Variants in AGK observed in about 807,000 individuals in gnomAD.
The protein encoded by AGK is acylglycerol kinase, mitochondrial.
AGK carries 52 observed loss-of-function variants against 66.4 expected under a neutral mutation model. That is an observed-to-expected ratio of 0.78 (90% CI 0.63 to 0.99). The LOEUF (loss-of-function observed/expected upper bound fraction) is 0.99. AGK is among the 50% of genes least tolerant of loss of function. AGK has a pLI of 0.00. For missense variants in AGK, 451 were observed against 506.6 expected, an observed-to-expected ratio of 0.89 and a Z score of 1.05; for synonymous variants, 182 against 181.1, an observed-to-expected ratio of 1.00 and a Z score of -0.04.
In AGK at chr7:141,621,770, A is replaced by G. The variant is rs1237915799; in HGVS notation, c.557A>G (p.Glu186Gly). 4.3e-6 allele frequency: 7 copies of G among 1,613,552 alleles called. No individual in the cohort carries two copies. Among genetic ancestry groups the G allele is most frequent in the Middle Eastern group, 1.7e-4 (1 of 6,020 alleles). The change falls in exon 9 of 16, where the codon GAG becomes GGG. Residue 186 changes from glutamate (E) to glycine (G), a missense_variant. By Grantham distance (98) the Glu-to-Gly change is moderately conservative. Coordinates refer to ENST00000649286, the MANE Select transcript of AGK (RefSeq NM_018238.4). ...TDATLAIVKG[E>G]TVPLDVLQIK... is the part of the protein sequence containing the mutation. ...GCCACACTTGCCATTGTGAAAGGAGAGACAGTTCCACTTGATGTCTTGCAG... is the reference window on the plus strand; with the variant it reads ...GCCACACTTGCCATTGTGAAAGGAGGGACAGTTCCACTTGATGTCTTGCAG...
intron 2 of AGK, among the ~76,000 whole-genome samples, chr7:141,583,267 G>A (rs1005935304): frequency 4.6e-5 from 7 of 151,846 alleles, no homozygotes; most frequent in African/African-American, 2.4e-5. Flanking sequence ...ACAGGCTAAG[G>A]GAGAAGAAGG....
At chr7:141,600,815 T>G (rs1355271454) in intron 4 of AGK, among the ~76,000 whole-genome samples, 1 of 152,150 alleles carries the variant, frequency 6.6e-6, no homozygotes, top group East Asian at 1.9e-4. Flanking sequence ...CTTTGTTATG[T>G]TGTATTCCTA....
At chr7:141,593,479 T>G in intron 3 of AGK, 1 of 673,926 alleles carries the variant, frequency 1.5e-6, no homozygotes, top group Non-Finnish European at 2.7e-6. Context: ...TGTCTGCAGT[T>G]GTCTTTGTAG....
intron 2 of AGK, among the ~76,000 whole-genome samples, chr7:141,574,923 T>G (rs914806637): frequency 9.9e-5 from 15 of 152,088 alleles, no homozygotes; most frequent in African/African-American, 3.6e-4. Context: ...TTATTTTAGG[T>G]GAGGTTATTA....
At chr7:141,558,347 G>A (rs1055940652) in intron 2 of AGK, among the ~76,000 whole-genome samples, 1 of 140,712 alleles carries the variant, frequency 7.1e-6, no homozygotes, top group African/African-American at 2.6e-5. Flanking sequence ...AGTAGAGATG[G>A]TTTTTTTTTT....
intron 9 of AGK, among the ~76,000 whole-genome samples, chr7:141,626,984 G>A (rs1796951317): frequency 6.6e-6 from 1 of 152,188 alleles, no homozygotes; most frequent in African/African-American, 2.4e-5. Flanking sequence ...GGGTCATGAA[G>A]TCTGCAATTT....
chr7:141,611,028 G>A (rs1216355783), intron 5 of AGK, among the ~76,000 whole-genome samples, 167 bp from the exon 6 acceptor site: 1 of 152,176 alleles, frequency 6.6e-6, no homozygotes, highest in Non-Finnish European at 1.5e-5. Context: ...AAACTGTAAC[G>A]ACTATACATA....
chr7:141,616,759 T>G (rs1796709990), intron 8 of AGK, among the ~76,000 whole-genome samples: 1 of 150,854 alleles, frequency 6.6e-6, no homozygotes, highest in Non-Finnish European at 1.5e-5. Flanking sequence ...TTTCTTTTTC[T>G]TTCTTTTTTT....
At chr7:141,642,769 T>C (rs1403457153) in intron 13 of AGK, among the ~76,000 whole-genome samples, 1 of 152,234 alleles carries the variant, frequency 6.6e-6, no homozygotes, top group Non-Finnish European at 1.5e-5. Context: ...AAAGTTTTAT[T>C]GGAGCACAGC....
chr7:141,618,338 C>T (rs1296976969), intron 8 of AGK, among the ~76,000 whole-genome samples: 1 of 152,200 alleles, frequency 6.6e-6, no homozygotes, highest in Admixed American at 6.5e-5. Context: ...GCTCTGTCCT[C>T]TTGGTAATTT....
rs1797666436 is a variant in AGK, at chr7:141,655,161, T to C, written c.*2237T>C. Reference sequence around the variant, plus strand: ...TGTGCTCATTTTGTGGTTCTAATCATAATGGTACATATAATTAGGGAAGGA... The same window carrying C: ...TGTGCTCATTTTGTGGTTCTAATCACAATGGTACATATAATTAGGGAAGGA... On this transcript the variant is annotated 3_prime_UTR_variant, in exon 16 of 16. Coordinates refer to ENST00000649286, the MANE Select transcript of AGK (RefSeq NM_018238.4). The C allele has an allele frequency of 6.6e-6, 1 of 152,260 alleles. No individual in the cohort carries two copies. The allele number at this position is 152,260 out of a possible 1,614,324, so 9.4% of individuals were successfully genotyped here. A position where few individuals can be genotyped will look rare whatever the true frequency, so the allele number is the denominator to read the frequency against.
At chr7:141,582,254 T>C (rs937653316) in intron 2 of AGK, among the ~76,000 whole-genome samples, 1 of 152,022 alleles carries the variant, frequency 6.6e-6, no homozygotes, top group Non-Finnish European at 1.5e-5. Flanking sequence ...TTGAAGCAAG[T>C]TCCTGGGGGA....
intron 9 of AGK, among the ~76,000 whole-genome samples, chr7:141,633,033 G>A (rs1449099441): frequency 6.6e-6 from 1 of 152,174 alleles, no homozygotes; most frequent in East Asian, 1.9e-4. Flanking sequence ...CCAAGGATTT[G>A]CCTCCAGTTC....
At chr7:141,612,697 T>C (rs1160590280) in intron 6 of AGK, among the ~76,000 whole-genome samples, 2 of 152,182 alleles carry the variant, frequency 1.3e-5, no homozygotes, top group East Asian at 3.8e-4. Flanking sequence ...CTAAAACTAC[T>C]TTTAAAACAT....
At chr7:141,589,127 T>C (rs1796054699) in intron 2 of AGK, among the ~76,000 whole-genome samples, 1 of 151,994 alleles carries the variant, frequency 6.6e-6, no homozygotes, top group South Asian at 2.1e-4. Flanking sequence ...CAAGATGGAG[T>C]CACTCTGGTT....
intron 9 of AGK, among the ~76,000 whole-genome samples, chr7:141,623,549 T>C (rs1796872802): frequency 6.6e-6 from 1 of 152,200 alleles, no homozygotes; most frequent in African/African-American, 2.4e-5. Flanking sequence ...TCCAATTTTA[T>C]GAAGGCTGAG....
chr7:141,553,292 G>A (rs1009710278), intron 1 of AGK, among the ~76,000 whole-genome samples: 1 of 152,172 alleles, frequency 6.6e-6, no homozygotes. Context: ...TCTCAATGGG[G>A]ATAGGGCTTC....
intron 5 of AGK, among the ~76,000 whole-genome samples, chr7:141,608,947 T>C (rs760053421): frequency 1.3e-5 from 2 of 152,220 alleles, no homozygotes; most frequent in Non-Finnish European, 2.9e-5. Flanking sequence ...TGATCACTTA[T>C]TTCTGGGTGT....
At chr7:141,582,691 C>T (rs942804203) in intron 2 of AGK, among the ~76,000 whole-genome samples, 1 of 151,890 alleles carries the variant, frequency 6.6e-6, no homozygotes, top group Non-Finnish European at 1.5e-5. Context: ...GGAGCATTAA[C>T]CTTGATTATG....
Sources: allele counts gnomAD v4.1 joint callset (sites outside exome capture counted in the v4.1 genomes callset), GRCh38; gene constraint gnomAD v4.1.1; transcripts MANE v1.5; gene names NCBI Gene and HGNC (gene_info 2026-07-23, HGNC 2026-07-21).